The following FAM20A variants were observed in gnomAD, a reference collection of about 807,000 sequenced individuals.
The protein encoded by FAM20A is pseudokinase FAM20A.
In FAM20A, 42 loss-of-function variants were observed where a neutral mutation model predicts 52.0. That is an observed-to-expected ratio of 0.81 (90% CI 0.63 to 1.04). FAM20A has a LOEUF of 1.04. FAM20A is among the 50% of genes least tolerant of loss of function. The probability of loss-of-function intolerance (pLI) is 0.00; values close to 1 mark genes in which losing one functional copy is unlikely to be tolerated. For missense variants in FAM20A, 742 were observed against 712.7 expected (o/e 1.04, Z -0.47); for synonymous variants, 304 against 298.9 (o/e 1.02, Z -0.18).
chr17:68,558,198 G>A, intron 1 of FAM20A: 1 of 255,702 alleles, frequency 3.9e-6, no homozygotes, highest in South Asian at 3.4e-5. Flanking sequence ...GCAAGGAAAT[G>A]GGGGCAAGGA....
chr17:68,574,521 T>C (rs936979986), intron 1 of FAM20A, among the ~76,000 whole-genome samples: 1 of 152,200 alleles, frequency 6.6e-6, no homozygotes, highest in Non-Finnish European at 1.5e-5. Flanking sequence ...CTTCTCAACA[T>C]TGCCACATTG....
intron 1 of FAM20A, among the ~76,000 whole-genome samples, chr17:68,557,178 C>T (rs548865728): frequency 2.8e-3 from 418 of 150,972 alleles, no homozygotes; most frequent in African/African-American, 9.7e-3. Context: ...CCAGCCTGGG[C>T]GACAGAGCGA....
intron 3 of FAM20A, among the ~76,000 whole-genome samples, chr17:68,554,071 TACAC>T (rs969319493): frequency 7.8e-6 from 1 of 128,812 alleles, no homozygotes. Context: ...TACACACATA[TACAC>T]ACATATATAC....
intron 10 of FAM20A, among the ~76,000 whole-genome samples, chr17:68,538,594 T>G (rs2086163897): frequency 6.6e-6 from 1 of 152,254 alleles, no homozygotes. Context: ...AGCAAGGGCC[T>G]TCGTGCCTTC....
chr17:68,539,675 C>A (rs1396759489), intron 9 of FAM20A, among the ~76,000 whole-genome samples: 2 of 152,226 alleles, frequency 1.3e-5, no homozygotes, highest in Non-Finnish European at 2.9e-5. Flanking sequence ...CACTAGAGGG[C>A]ACACGAGTGC....
chr17:68,542,879 G>C (rs1395030949), intron 5 of FAM20A, 70 bp from the exon 6 acceptor site: 2 of 1,208,666 alleles, frequency 1.7e-6, no homozygotes, highest in South Asian at 2.4e-5. Context: ...TTTGTCCCCC[G>C]GCCAGTGCAC....
chr17:68,594,614 A>T (rs1312114814), intron 1 of FAM20A, among the ~76,000 whole-genome samples: 2 of 151,982 alleles, frequency 1.3e-5, no homozygotes, highest in African/African-American at 4.8e-5. Flanking sequence ...GGGGAAAAAA[A>T]TCTGCTTCCA....
rs575882809 is a variant in FAM20A, at chr17:68,536,637, G to A, written c.*840C>T. 104 of 452,172 alleles carry A rather than the reference G, an allele frequency of 2.3e-4. 4 individuals are homozygous for A. The highest frequency in any genetic ancestry group is 1.5e-3 in the South Asian group (99 of 64,170). The allele number at this position is 452,172 out of a possible 1,614,324, so 28.0% of individuals were successfully genotyped here. A position where few individuals can be genotyped will look rare whatever the true frequency, so the allele number is the denominator to read the frequency against. On this transcript the variant is annotated 3_prime_UTR_variant, in exon 11 of 11. Transcript: ENST00000592554. ...GTCTTAGGGAAGAAGATTGTGGTTG[G>A]TGGGCTGTAGTCAGCCTTGGCTCTT...
intron 8 of FAM20A, chr17:68,540,465 G>T (rs917063911): frequency 4.3e-6 from 2 of 469,206 alleles, no homozygotes; most frequent in African/African-American, 4.0e-5. Flanking sequence ...GGCCTGGAAG[G>T]TGGAATTACT....
intron 4 of FAM20A, among the ~76,000 whole-genome samples, chr17:68,550,126 A>T (rs1028258665): frequency 6.6e-6 from 1 of 152,104 alleles, no homozygotes; most frequent in Non-Finnish European, 1.5e-5. Context: ...TTGATTTGAC[A>T]TTCACCCCCA....
intron 4 of FAM20A, among the ~76,000 whole-genome samples, chr17:68,544,869 T>A (rs1252044802): frequency 8.5e-5 from 13 of 152,180 alleles, no homozygotes; most frequent in Admixed American, 8.5e-4. Context: ...CTAAAACATT[T>A]TCTCATTTTT....
chr17:68,542,624 G>A, intron 6 of FAM20A, 70 bp downstream of exon 6: 1 of 1,187,272 alleles, frequency 8.4e-7, no homozygotes, highest in South Asian at 1.2e-5. Flanking sequence ...GGCCACTGAT[G>A]AATGGAGGGG....
rs558909288 is a variant in FAM20A at position 68,596,623 on chromosome 17, G to T, written c.404+3640C>A. ...CTGCCCTGCGTCATCACTTATTCAA[G>T]CAAAGGACTAAGAGCAGCACAATTC... On this transcript the variant is annotated intron_variant, in intron 1 of 10. Coordinates refer to ENST00000592554, the MANE Select transcript of FAM20A (RefSeq NM_017565.4). 5.3e-5 allele frequency among the ~76,000 whole-genome samples: 8 copies of T among 152,330 alleles called. No individual in the cohort carries two copies. In the East Asian group the frequency reaches 1.2e-3, roughly 22 times the overall value.
intron 1 of FAM20A, among the ~76,000 whole-genome samples, chr17:68,592,579 A>G (rs1007151297): frequency 1.3e-5 from 2 of 152,218 alleles, no homozygotes; most frequent in African/African-American, 4.8e-5. Flanking sequence ...TTCACTTGCC[A>G]GGGCTGAACA....
chr17:68,562,638 G>A (rs1331591436), intron 1 of FAM20A, among the ~76,000 whole-genome samples: 6 of 144,402 alleles, frequency 4.2e-5, no homozygotes, highest in Non-Finnish European at 8.9e-5. Flanking sequence ...TTTAAGCATT[G>A]CATCTTCTCA....
At chr17:68,573,783 A>G (rs529345249) in intron 1 of FAM20A, among the ~76,000 whole-genome samples, 96 of 151,338 alleles carry the variant, frequency 6.3e-4, no homozygotes, top group Non-Finnish European at 1.1e-3. Flanking sequence ...GGTTGAAGTG[A>G]TTCAGCCTCC....
At chr17:68,545,560 GCTGA>G (rs1335331730) in intron 4 of FAM20A, among the ~76,000 whole-genome samples, 12 of 152,314 alleles carry the variant, frequency 7.9e-5, no homozygotes, top group South Asian at 6.2e-4. Flanking sequence ...TAATCTTTTT[GCTGA>G]CTGACTGGGG....
chr17:68,551,724 T>TATTATTATTATTATC (rs34614921), intron 4 of FAM20A, 149 bp downstream of exon 4: 3,034 of 293,634 alleles, frequency 0.01, 60 homozygotes, highest in Non-Finnish European at 0.012. Context: ...TTATTATTAT[T>TATTATTATTATTATC]ATCACCCCAA....
chr17:68,563,270 C>A (rs1230421348), intron 1 of FAM20A, among the ~76,000 whole-genome samples: 1 of 151,838 alleles, frequency 6.6e-6, no homozygotes, highest in Admixed American at 6.6e-5. Flanking sequence ...CCTGTAATCC[C>A]AGCTACTTGG....
Sources: allele counts gnomAD v4.1 joint callset (sites outside exome capture counted in the v4.1 genomes callset), GRCh38; gene constraint gnomAD v4.1.1; transcripts MANE v1.5; gene names NCBI Gene and HGNC (gene_info 2026-07-23, HGNC 2026-07-21).